The following GLS variants were observed in gnomAD, a reference collection of about 807,000 sequenced individuals.
The protein encoded by GLS is glutaminase.
A neutral mutation model predicts 86.7 loss-of-function variants in GLS; 36 were observed. That is an observed-to-expected ratio of 0.42 (90% CI 0.32 to 0.55). GLS has a LOEUF of 0.55. Among genes scored for constraint, GLS ranks in the 20% least tolerant of loss-of-function variants. The pLI, the probability that GLS is intolerant of heterozygous loss-of-function variation, is 0.17. For missense variants in GLS, 528 were observed against 833.4 expected (o/e 0.63, Z 4.51); for synonymous variants, 317 against 305.9 (o/e 1.04, Z -0.38).
chr2:190,882,769 G>GAC (rs778912294), intron 1 of GLS, among the ~76,000 whole-genome samples: 3 of 152,192 alleles, frequency 2.0e-5, no homozygotes, highest in Non-Finnish European at 2.9e-5. Flanking sequence ...ATAGCGTCCT[G>GAC]ACCATGGACA....
rs184204814 is a variant in GLS, at chr2:190,892,577, G to A, written c.387-2575G>A. On this transcript the variant is annotated intron_variant, in intron 1 of 17. Transcript: ENST00000320717. ...GAATTTTAATGAAAAATACATTATT[G>A]TGAAGAATTACCAGAAAGAATTAAT... Among the ~76,000 whole-genome samples, 111 of 152,160 alleles carry A rather than the reference G, an allele frequency of 7.3e-4. No individual in the cohort carries two copies. The East Asian group carries it at 0.019, about 26-fold the overall frequency.
At chr2:190,958,181 G>C (rs1422314212) in intron 17 of GLS, among the ~76,000 whole-genome samples, 1 of 152,152 alleles carries the variant, frequency 6.6e-6, no homozygotes. Flanking sequence ...TATGTGTCCA[G>C]GAATTTATCA....
chr2:190,898,401 A>G (rs932029059), intron 3 of GLS, among the ~76,000 whole-genome samples: 2 of 152,188 alleles, frequency 1.3e-5, no homozygotes, highest in Non-Finnish European at 2.9e-5. Context: ...ATTTTATATG[A>G]CTTCTCATTT....
At chr2:190,885,187 T>G (rs1208749885) in intron 1 of GLS, among the ~76,000 whole-genome samples, 1 of 150,744 alleles carries the variant, frequency 6.6e-6, no homozygotes, top group Non-Finnish European at 1.5e-5. Context: ...GTGTATACTC[T>G]GAAAATTGAA....
In GLS at chr2:190,880,895, CAGCAGCAGCAGCAGCAGCAGCA is replaced by C; in HGVS notation, c.-189_-168del. The C allele has an allele frequency of 1.9e-6, 1 of 532,216 alleles. No homozygotes were observed. Among genetic ancestry groups the C allele is most frequent in the Non-Finnish European group, 2.9e-6 (1 of 339,130 alleles). The allele number at this position is 532,216 out of a possible 1,614,324, so 33.0% of individuals were successfully genotyped here. A position where few individuals can be genotyped will look rare whatever the true frequency, so the allele number is the denominator to read the frequency against. On this transcript the variant is annotated 5_prime_UTR_variant, in exon 1 of 18. Transcript: ENST00000320717. ...CGCGCAGCAGCAGCAGCAGCAGCAGCAGCAGCAGCAGCAGCAGCAGCAGCACCCGCATCCGCTGCGGGAGTCC... is the reference window on the plus strand; with the variant it reads ...CGCGCAGCAGCAGCAGCAGCAGCAGCGCACCCGCATCCGCTGCGGGAGTCC...
At position 190,923,567 on chromosome 2, in the gene GLS, T is replaced by C. The variant is rs189384352; in HGVS notation, c.1131-350T>C. ...TTATGTCAATTAAAATGGACTCTTA[T>C]TGTACTTTTGGGTAGCCAGAGGATT... is the stretch of plus-strand genomic sequence containing the variant. On this transcript the variant is annotated intron_variant, in intron 9 of 17. Coordinates refer to ENST00000320717, the MANE Select transcript of GLS (RefSeq NM_014905.5). 4.6e-3 allele frequency among the ~76,000 whole-genome samples: 701 copies of C among 152,346 alleles called. 7 individuals carry two copies. The highest frequency in any genetic ancestry group is 7.1e-3 in the Non-Finnish European group (481 of 68,016).
chr2:190,918,866 A>G (rs1689633851), intron 7 of GLS, among the ~76,000 whole-genome samples: 1 of 152,154 alleles, frequency 6.6e-6, no homozygotes, highest in African/African-American at 2.4e-5. Context: ...GGAGAGGGAG[A>G]GAGATGGGAA....
Position 190,953,540 on chromosome 2 carries a change from T to A in GLS, c.1651-25T>A, listed in dbSNP as rs1056867435. The stretch of plus-strand genomic sequence containing the variant: ...GTATGTGTTTTCTCTCTCCTAAGGA[T>A]GCCTAAACTTTCTTTTCTTCACAGG... On this transcript the variant is annotated intron_variant, in intron 14 of 17. Transcript: ENST00000320717. The surrounding 1 kb of genome is among the most constrained non-coding windows in gnomAD (Gnocchi z 4.0). 4 of 1,528,102 alleles carry A rather than the reference T, an allele frequency of 2.6e-6. No homozygotes were observed. In the Admixed American group the frequency reaches 5.0e-5, roughly 19 times the overall value. The allele number at this position is 1,528,102 out of a possible 1,614,324, so 94.7% of individuals were successfully genotyped here.
chr2:190,930,499 G>C lies in GLS; in HGVS notation c.1488G>C (p.Met496Ile). Reference protein sequence around the residue: ...GGILLVVPNVMGMMCWSPPLD... With the variant: ...GGILLVVPNVIGMMCWSPPLD... ...TTCTTTTAGTTGTCCCCAATGTTATGGGTATGATGTGCTGGTCTCCTCCTC... is the reference window on the plus strand; with the variant it reads ...TTCTTTTAGTTGTCCCCAATGTTATCGGTATGATGTGCTGGTCTCCTCCTC... Residue 496 changes from methionine to isoleucine, a missense_variant, in exon 13 of 18, where the codon ATG becomes ATC. By Grantham distance (10) the Met-to-Ile change is conservative (BLOSUM62 1). Coordinates refer to ENST00000320717, the MANE Select transcript of GLS (RefSeq NM_014905.5). The surrounding 1 kb of genome is among the most constrained non-coding windows in gnomAD (Gnocchi z 5.0). 1 of 1,611,518 alleles carries C rather than the reference G, an allele frequency of 6.2e-7. No individual in the cohort carries two copies. The highest frequency in any genetic ancestry group is 2.2e-5 in the East Asian group (1 of 44,856).
chr2:190,909,434 T>A (rs1022809572), intron 6 of GLS, among the ~76,000 whole-genome samples: 3 of 152,154 alleles, frequency 2.0e-5, no homozygotes, highest in Non-Finnish European at 4.4e-5. Context: ...GTAACTGAAA[T>A]TATGTGTCCT....
At chr2:190,950,915 G>A (rs542824302) in intron 14 of GLS, among the ~76,000 whole-genome samples, 1 of 152,294 alleles carries the variant, frequency 6.6e-6, no homozygotes, top group South Asian at 2.1e-4. Context: ...AGTCCTGGAA[G>A]CAATGTCAAG....
intron 11 of GLS, among the ~76,000 whole-genome samples, chr2:190,925,750 A>T (rs1253618089): frequency 6.6e-6 from 1 of 152,144 alleles, no homozygotes; most frequent in Non-Finnish European, 1.5e-5. Context: ...AATGTGAAAA[A>T]CCGTAAATTG....
At chr2:190,910,809 T>C (rs1483551774) in intron 7 of GLS, among the ~76,000 whole-genome samples, 1 of 151,596 alleles carries the variant, frequency 6.6e-6, no homozygotes, top group Non-Finnish European at 1.5e-5. Flanking sequence ...TGAGCTGAAA[T>C]CACAGTTTTT....
intron 14 of GLS, among the ~76,000 whole-genome samples, chr2:190,939,942 T>C (rs1244071938): frequency 6.6e-6 from 1 of 151,812 alleles, no homozygotes; most frequent in Non-Finnish European, 1.5e-5. Context: ...TATTATAATT[T>C]ATTTTGGGCC....
chr2:190,944,371 T>C (rs1690529366), intron 14 of GLS, among the ~76,000 whole-genome samples: 1 of 152,202 alleles, frequency 6.6e-6, no homozygotes. Flanking sequence ...TAATGTAATA[T>C]TCACTAATGT....
In GLS at chr2:190,935,294, ATTGTT is replaced by A; in HGVS notation, c.1650+3660_1650+3664del. 1.9e-6 allele frequency: 1 copy of A among 520,180 alleles called. No individual in the cohort carries two copies. Among genetic ancestry groups the A allele is most frequent in the African/African-American group, 2.1e-5 (1 of 48,404 alleles). 32.2% of individuals were successfully genotyped at this position (520,180 alleles called of 1,614,324 possible). On this transcript the variant is annotated intron_variant, in intron 14 of 17. Transcript: ENST00000320717. This position sits in a 1 kb window ranked among gnomAD's most constrained non-coding sequence, Gnocchi z 4.2. ...AATAAATTTATTTTAAGCTGATTTT[ATTGTT>A]TTTTTTGTTTTGTTTTGTTTTGTTT...
intron 7 of GLS, among the ~76,000 whole-genome samples, chr2:190,910,706 A>G (rs1689329432): frequency 6.6e-6 from 1 of 150,656 alleles, no homozygotes; most frequent in Non-Finnish European, 1.5e-5. Context: ...ATTTTACTGT[A>G]TATTTGTTAT....
At chr2:190,907,366 T>A (rs1481775492) in intron 6 of GLS, among the ~76,000 whole-genome samples, 1 of 151,636 alleles carries the variant, frequency 6.6e-6, no homozygotes, top group Non-Finnish European at 1.5e-5. Context: ...CAAGCGATTC[T>A]CCTGCCTCAG....
intron 14 of GLS, among the ~76,000 whole-genome samples, chr2:190,950,785 G>A (rs934492680): frequency 4.6e-5 from 7 of 152,258 alleles, no homozygotes; most frequent in Admixed American, 3.9e-4. Flanking sequence ...GCCTGAGCAA[G>A]TGGGTGAATT....
Sources: allele counts gnomAD v4.1 joint callset (sites outside exome capture counted in the v4.1 genomes callset), GRCh38; gene constraint gnomAD v4.1.1; non-coding constraint Gnocchi (gnomAD v3.1); transcripts MANE v1.5; gene names NCBI Gene and HGNC (gene_info 2026-07-23, HGNC 2026-07-21).